The following PCDHGA5 variants were observed in gnomAD, a reference collection of about 807,000 sequenced individuals.
The protein encoded by PCDHGA5 is protocadherin gamma-A5.
Under a neutral mutation model 56.7 loss-of-function variants are expected in PCDHGA5, and 36 were observed. The ratio of observed to expected loss-of-function variants is 0.64; its 90% CI spans 0.49 to 0.84. PCDHGA5 has a LOEUF of 0.84. Among genes scored for constraint, PCDHGA5 ranks in the 40% least tolerant of loss-of-function variants. The pLI, the probability that PCDHGA5 is intolerant of heterozygous loss-of-function variation, is 0.00. For synonymous variants in PCDHGA5, 563 were observed against 520.2 expected (o/e 1.08, Z -1.12); for missense variants, 1,305 against 1,201.5 (o/e 1.09, Z -1.27).
chr5:141,478,657 G>A, intron 1 of PCDHGA5: 2 of 1,551,912 alleles, frequency 1.3e-6, no homozygotes, highest in Non-Finnish European at 1.7e-6. Flanking sequence ...TCCTGGTGAT[G>A]CATTCACACT....
At chr5:141,376,179 C>T (rs777443061) in intron 1 of PCDHGA5, 9 of 1,614,014 alleles carry the variant, frequency 5.6e-6, no homozygotes, top group East Asian at 4.5e-5. Context: ...GCGGTGGCCG[C>T]GGTCTCCTGC....
At chr5:141,426,810 C>T (rs769435523) in intron 1 of PCDHGA5, 4 of 456,568 alleles carry the variant, frequency 8.8e-6, no homozygotes, top group Non-Finnish European at 1.8e-5. Flanking sequence ...TTCTAATGAA[C>T]ATTTCTCTCT....
At chr5:141,386,815 T>G (rs1043016890) in intron 1 of PCDHGA5, among the ~76,000 whole-genome samples, 22 of 152,220 alleles carry the variant, frequency 1.4e-4, no homozygotes, top group African/African-American at 4.8e-4. Context: ...TGCATAAAAT[T>G]GTTTTTAAGC....
Position 141,371,934 on chromosome 5 carries a change from G to T in PCDHGA5, c.2421+5183G>T, listed in dbSNP as rs1024560538. On this transcript the variant is annotated intron_variant, in intron 1 of 3. Coordinates refer to ENST00000518069, the MANE Select transcript of PCDHGA5 (RefSeq NM_018918.3). The stretch of plus-strand genomic sequence containing the variant: ...GTCCGTGAGCGCGCGGAGCGGGGTG[G>T]TGTTCGCGCAGCGAGCCTTCGACCA... The T allele has an allele frequency of 3.1e-6, 5 of 1,613,324 alleles. No individual in the cohort carries two copies. In the Admixed American group the frequency reaches 8.3e-5, roughly 27 times the overall value.
chr5:141,388,706 T>C (rs1189291267), intron 1 of PCDHGA5: 2 of 1,613,856 alleles, frequency 1.2e-6, no homozygotes, highest in African/African-American at 2.7e-5. Flanking sequence ...AGGGTGTCAA[T>C]GCCGAGATTA....
chr5:141,487,135 A>G lies in PCDHGA5; in HGVS notation c.2422-7672A>G. 6.2e-7 allele frequency: 1 copy of G among 1,613,544 alleles called. No individual in the cohort carries two copies. The highest frequency in any genetic ancestry group is 8.5e-7 in the Non-Finnish European group (1 of 1,179,856). ...TGGTAAAGGATAGTGGTAGTCCACC[A>G]CTCTCTACCTCTGTTACTCTCTTAG... On this transcript the variant is annotated intron_variant, in intron 1 of 3. Transcript: ENST00000518069. The surrounding 1 kb of genome is among the most constrained non-coding windows in gnomAD (Gnocchi z 5.0).
At chr5:141,426,919 C>A (rs1220443930) in intron 1 of PCDHGA5, 3 of 456,620 alleles carry the variant, frequency 6.6e-6, no homozygotes, top group African/African-American at 6.0e-5. Context: ...GTCCTGGAAG[C>A]AATGGACATG....
At chr5:141,399,609 T>C in intron 1 of PCDHGA5, 2 of 1,613,918 alleles carry the variant, frequency 1.2e-6, no homozygotes, top group Non-Finnish European at 1.7e-6. Flanking sequence ...ACCTAGAGCC[T>C]CTGGCACTGG....
In PCDHGA5 at chr5:141,489,375, G is replaced by A. The variant is rs768190252; in HGVS notation, c.2422-5432G>A. The A allele has an allele frequency of 1.2e-5, 19 of 1,613,826 alleles. No individual in the cohort carries two copies. The Admixed American group carries it at 3.2e-4, about 27-fold the overall frequency. ...AGGAGTCTGAGCCGGGGACGCTGGT[G>A]GGGAATGTTGCTCAGGATCTGGGCT... On this transcript the variant is annotated intron_variant, in intron 1 of 3. Transcript: ENST00000518069. The surrounding 1 kb of genome is among the most constrained non-coding windows in gnomAD (Gnocchi z 4.5).
intron 1 of PCDHGA5, among the ~76,000 whole-genome samples, chr5:141,469,103 C>G (rs949254605): frequency 6.6e-6 from 1 of 151,844 alleles, no homozygotes; most frequent in Non-Finnish European, 1.5e-5. Flanking sequence ...AAAGCAAGAA[C>G]CTGTCTCTAA....
intron 2 of PCDHGA5, among the ~76,000 whole-genome samples, chr5:141,496,078 CCCCACCCACCA>C (rs1204698458): frequency 6.6e-6 from 1 of 152,016 alleles, no homozygotes; most frequent in Non-Finnish European, 1.5e-5. Context: ...ACACACAACC[CCCCACCCACCA>C]CCCACCAACA....
At chr5:141,382,467 A>G (rs992224398) in intron 1 of PCDHGA5, among the ~76,000 whole-genome samples, 1 of 152,262 alleles carries the variant, frequency 6.6e-6, no homozygotes, top group Non-Finnish European at 1.5e-5. Flanking sequence ...TTTTTTAAAA[A>G]TTATCTAAGA....
At position 141,511,124 on chromosome 5, in the gene PCDHGA5, C is replaced by G; in HGVS notation, c.2747C>G (p.Ala916Gly). 1.9e-6 allele frequency: 3 copies of G among 1,614,206 alleles called. No individual in the cohort carries two copies. Among genetic ancestry groups the G allele is most frequent in the Non-Finnish European group, 2.5e-6 (3 of 1,180,022 alleles). The change falls in exon 4 of 4, where the codon GCA (alanine) becomes GGA (glycine). Residue 916 changes from alanine to glycine, a missense_variant. Transcript: ENST00000518069. ...AAGKRDGKAP[A>G]GGNGNKKKSG... ...GGCAAGCGGGATGGCAAGGCCCCAG[C>G]AGGTGGCAATGGCAACAAGAAGAAG...
chr5:141,375,833 C>G, intron 1 of PCDHGA5: 1 of 1,614,152 alleles, frequency 6.2e-7, no homozygotes, highest in South Asian at 1.1e-5. Flanking sequence ...CTCCGCAGAG[C>G]CCGGCTACCT....
intron 1 of PCDHGA5, chr5:141,370,899 C>T (rs1767293695): frequency 1.2e-6 from 2 of 1,614,010 alleles, no homozygotes. Flanking sequence ...TTCGCTGCAG[C>T]AGTACTACCT....
At chr5:141,374,600 A>T (rs1770639456) in intron 1 of PCDHGA5, 1 of 1,613,658 alleles carries the variant, frequency 6.2e-7, no homozygotes, top group Admixed American at 1.7e-5. Flanking sequence ...ATTTAAGCTC[A>T]GTGGTAATAG....
chr5:141,370,886 C>A (rs1208326985), intron 1 of PCDHGA5: 1 of 1,614,034 alleles, frequency 6.2e-7, no homozygotes, highest in South Asian at 1.1e-5. Flanking sequence ...ATGTAGGTGT[C>A]AATTCGCTGC....
chr5:141,502,866 C>CTT (rs549047197), intron 2 of PCDHGA5, among the ~76,000 whole-genome samples: 3 of 128,046 alleles, frequency 2.3e-5, no homozygotes, highest in Non-Finnish European at 3.2e-5. Flanking sequence ...GACTCTCTGT[C>CTT]TTTTTTTTTT....
chr5:141,439,056 T>C (rs2098084461), intron 1 of PCDHGA5, among the ~76,000 whole-genome samples: 1 of 151,260 alleles, frequency 6.6e-6, no homozygotes, highest in Non-Finnish European at 1.5e-5. Flanking sequence ...TTCCATATTG[T>C]GTGGCAGGCG....
Sources: gnomAD v4.1 joint callset for allele counts (sites outside exome capture counted in the v4.1 genomes callset) on GRCh38, gnomAD v4.1.1 for gene constraint, Gnocchi (gnomAD v3.1) non-coding constraint, MANE v1.5 for transcripts, NCBI Gene and HGNC (gene_info 2026-07-23, HGNC 2026-07-21) for gene names.